Variants in SPON1 observed in about 807,000 individuals in gnomAD.
SPON1 encodes spondin-1.
Under a neutral mutation model 111.7 loss-of-function variants are expected in SPON1, and 52 were observed. The observed-to-expected ratio is 0.47, with a 90% CI of 0.37 to 0.59. SPON1 has a LOEUF of 0.59. Among genes scored for constraint, SPON1 ranks in the 20% least tolerant of loss-of-function variants. SPON1 has a pLI of 0.00. For missense variants in SPON1, 957 were observed against 1,068.5 expected, an observed-to-expected ratio of 0.90 and a Z score of 1.46; for synonymous variants, 410 against 395.8, an observed-to-expected ratio of 1.04 and a Z score of -0.43.
At chr11:14,151,116 A>T (rs2133868407) in intron 6 of SPON1, among the ~76,000 whole-genome samples, 1 of 152,330 alleles carries the variant, frequency 6.6e-6, no homozygotes, top group Admixed American at 6.5e-5. Context: ...AAAGAGCCAT[A>T]TGCGAATGCA....
chr11:14,062,620 C>T (rs1357785313), intron 3 of SPON1, among the ~76,000 whole-genome samples: 2 of 152,188 alleles, frequency 1.3e-5, no homozygotes, highest in African/African-American at 4.8e-5. Flanking sequence ...AAACACTGTA[C>T]ATATTGATGC....
chr11:14,026,103 C>G (rs782008071), intron 2 of SPON1, among the ~76,000 whole-genome samples: 2 of 152,246 alleles, frequency 1.3e-5, no homozygotes, highest in Non-Finnish European at 2.9e-5. Context: ...CCACAGCTTC[C>G]AGCTCAATTG....
chr11:14,139,471 C>A (rs542140512), intron 6 of SPON1, among the ~76,000 whole-genome samples: 9 of 152,250 alleles, frequency 5.9e-5, no homozygotes, highest in African/African-American at 2.2e-4. Flanking sequence ...AGCTGCCGTT[C>A]CCACTATTAT....
intron 4 of SPON1, among the ~76,000 whole-genome samples, chr11:14,077,741 T>G (rs1023828518): frequency 1.3e-5 from 2 of 151,374 alleles, no homozygotes; most frequent in African/African-American, 4.9e-5. Context: ...CATCTCTGCC[T>G]CCTAAAGTGC....
At chr11:14,253,231 G>C (rs554521056) in intron 7 of SPON1, among the ~76,000 whole-genome samples, 58 of 152,312 alleles carry the variant, frequency 3.8e-4, no homozygotes, top group African/African-American at 1.4e-3. Context: ...AGTCCATTCA[G>C]GAAGGCTTTT....
chr11:14,175,940 A>G (rs190294600), intron 6 of SPON1, among the ~76,000 whole-genome samples: 1 of 152,298 alleles, frequency 6.6e-6, no homozygotes, highest in African/African-American at 2.4e-5. Flanking sequence ...ACACATAACA[A>G]AACAGACATT....
rs1234236838 is a variant in SPON1, at chr11:14,161,103, T to TTA, written c.825+25543_825+25544dup. Among the ~76,000 whole-genome samples, 4 of 65,040 alleles carry TTA rather than the reference T, an allele frequency of 6.2e-5. 2 individuals are homozygous for TTA. Among genetic ancestry groups the TTA allele is most frequent in the African/African-American group, 2.4e-4 (4 of 16,816 alleles). The allele number at this position is 65,040 out of a possible 152,430, so 42.7% of individuals were successfully genotyped here. A position where few individuals can be genotyped will look rare whatever the true frequency, so the allele number is the denominator to read the frequency against. On this transcript the variant is annotated intron_variant, in intron 6 of 15. Coordinates refer to ENST00000576479, the MANE Select transcript of SPON1 (RefSeq NM_006108.4). ...ATATATTTATATATATCTATATATT[T>TTA]TATATATATCTATATATCTATATAT... is the stretch of plus-strand genomic sequence containing the variant.
At chr11:14,027,944 G>C (rs576229621) in intron 2 of SPON1, among the ~76,000 whole-genome samples, 5 of 152,214 alleles carry the variant, frequency 3.3e-5, no homozygotes, top group African/African-American at 9.6e-5. Context: ...CAATTACATG[G>C]TTCTATTTTT....
intron 5 of SPON1, among the ~76,000 whole-genome samples, chr11:14,126,780 G>A (rs369797027): frequency 6.6e-6 from 1 of 152,080 alleles, no homozygotes; most frequent in Admixed American, 6.5e-5. Flanking sequence ...CTTTAACCTC[G>A]TCTCCTTTTT....
chr11:13,982,798 A>C, intron 1 of SPON1, 49 bp from the exon 2 acceptor site: 2 of 1,261,962 alleles, frequency 1.6e-6, no homozygotes, highest in Admixed American at 2.0e-5. Context: ...TGACAAATGG[A>C]CAATAATTGA....
intron 6 of SPON1, among the ~76,000 whole-genome samples, chr11:14,158,142 A>G (rs1307127898): frequency 6.6e-6 from 1 of 152,114 alleles, no homozygotes; most frequent in African/African-American, 2.4e-5. Flanking sequence ...GAGTATGGAA[A>G]ATCACCTAAT....
At chr11:14,162,081 C>T (rs1325391372) in intron 6 of SPON1, among the ~76,000 whole-genome samples, 3 of 151,254 alleles carry the variant, frequency 2.0e-5, no homozygotes, top group South Asian at 4.2e-4. Flanking sequence ...TCACTTGAAC[C>T]CGGGAGGCAG....
intron 5 of SPON1, among the ~76,000 whole-genome samples, chr11:14,114,586 C>T (rs782072068): frequency 8.5e-5 from 13 of 152,194 alleles, no homozygotes; most frequent in Non-Finnish European, 1.6e-4. Context: ...CAGGCTGTTT[C>T]CTGTGATTGC....
At chr11:14,038,179 A>G (rs1161364275) in intron 2 of SPON1, among the ~76,000 whole-genome samples, 3 of 146,870 alleles carry the variant, frequency 2.0e-5, no homozygotes, top group Non-Finnish European at 4.5e-5. Context: ...AAATAAATAA[A>G]TAACGACTGG....
At chr11:14,214,014 C>T (rs554060989) in intron 6 of SPON1, among the ~76,000 whole-genome samples, 1 of 152,346 alleles carries the variant, frequency 6.6e-6, no homozygotes, top group East Asian at 1.9e-4. Flanking sequence ...CCTATGGTTA[C>T]TTTCCTATTC....
intron 6 of SPON1, among the ~76,000 whole-genome samples, chr11:14,229,792 G>C (rs61883839): frequency 0.19 from 29,228 of 152,030 alleles, 2,893 homozygotes; most frequent in Middle Eastern, 0.27. Flanking sequence ...CTGAACCCTC[G>C]GTCTGCCTAT....
chr11:14,125,143 G>C (rs1301429528), intron 5 of SPON1, among the ~76,000 whole-genome samples: 1 of 152,194 alleles, frequency 6.6e-6, no homozygotes, highest in East Asian at 1.9e-4. Context: ...CTGTGTCCTG[G>C]GCAGCACCCA....
intron 6 of SPON1, among the ~76,000 whole-genome samples, chr11:14,178,059 CACA>C (rs1848198350): frequency 6.6e-6 from 1 of 150,964 alleles, no homozygotes; most frequent in African/African-American, 2.5e-5. Flanking sequence ...CACACACACA[CACA>C]CACACACACA....
rs964411149 is a variant in SPON1 at position 14,107,954 on chromosome 11, G to A, written c.677-27466G>A. On this transcript the variant is annotated intron_variant, in intron 5 of 15. Coordinates refer to ENST00000576479, the MANE Select transcript of SPON1 (RefSeq NM_006108.4). The stretch of plus-strand genomic sequence containing the variant: ...GAGGGGCTTATGGAAGCTACTTAAC[G>A]TGTCTGTGCCTCAGTTTTCTCATCT... 5.3e-5 allele frequency among the ~76,000 whole-genome samples: 8 copies of A among 152,150 alleles called. No individual in the cohort carries two copies. In the South Asian group the frequency reaches 8.3e-4, roughly 16 times the overall value.
Sources: gnomAD v4.1 joint callset for allele counts (sites outside exome capture counted in the v4.1 genomes callset) on GRCh38, gnomAD v4.1.1 for gene constraint, MANE v1.5 for transcripts, NCBI Gene and HGNC (gene_info 2026-07-23, HGNC 2026-07-21) for gene names.